The following ALDH5A1 variants were observed in gnomAD, a reference collection of about 807,000 sequenced individuals.
ALDH5A1 encodes the protein aldehyde dehydrogenase 5 family member A1.
A neutral mutation model predicts 54.7 loss-of-function variants in ALDH5A1; 33 were observed. That is an observed-to-expected ratio of 0.60 (90% CI 0.46 to 0.81). The LOEUF is 0.81. ALDH5A1 is among the 30% of genes least tolerant of loss of function. The pLI, the probability that ALDH5A1 is intolerant of heterozygous loss-of-function variation, is 0.00. For missense variants in ALDH5A1, 657 were observed against 711.0 expected (o/e 0.92, Z 0.86); for synonymous variants, 294 against 292.7 (o/e 1.00, Z -0.05).
intron 9 of ALDH5A1, among the ~76,000 whole-genome samples, chr6:24,532,632 C>T (rs1759958181): frequency 6.6e-6 from 1 of 151,956 alleles, no homozygotes; most frequent in Non-Finnish European, 1.5e-5. Context: ...GGCTGACATT[C>T]CTTTAGTTTG....
At chr6:24,529,903 C>G (rs1415901356) in intron 8 of ALDH5A1, among the ~76,000 whole-genome samples, 2 of 151,958 alleles carry the variant, frequency 1.3e-5, no homozygotes, top group Non-Finnish European at 2.9e-5. Context: ...AACTCCTGAC[C>G]TCAAGTGATC....
At chr6:24,496,921 C>T (rs1764720339) in intron 1 of ALDH5A1, among the ~76,000 whole-genome samples, 1 of 152,158 alleles carries the variant, frequency 6.6e-6, no homozygotes. Context: ...GCCAGGAGCA[C>T]CATTCAGCCC....
At chr6:24,512,927 T>TG (rs1206632219) in intron 4 of ALDH5A1, among the ~76,000 whole-genome samples, 1 of 152,156 alleles carries the variant, frequency 6.6e-6, no homozygotes, top group Non-Finnish European at 1.5e-5. Flanking sequence ...TCACCTCAAG[T>TG]GATCCACCCA....
chr6:24,500,140 T>G (rs2760129), intron 1 of ALDH5A1, among the ~76,000 whole-genome samples: 50,050 of 152,156 alleles, frequency 0.33, 8,594 homozygotes, highest in African/African-American at 0.39. Flanking sequence ...ATGTATCCCT[T>G]TATCTGTTTT....
In ALDH5A1 at chr6:24,511,471, GT is replaced by G. The variant is rs537655993; in HGVS notation, c.727-3694del. ...GGAACACGTATTATTCTTAGGTTTG[GT>G]TGTTTAACATAATCCCAGACTTCTT... On this transcript the variant is annotated intron_variant, in intron 4 of 9. Coordinates refer to ENST00000357578, the MANE Select transcript of ALDH5A1 (RefSeq NM_001080.3). Among the ~76,000 whole-genome samples, 149 of 152,200 alleles carry G rather than the reference GT, an allele frequency of 9.8e-4. 1 individual carries two copies. The highest frequency in any genetic ancestry group is 3.4e-3 in the African/African-American group (140 of 41,540).
At position 24,515,255 on chromosome 6, in the gene ALDH5A1, G is replaced by T. The variant is rs756034595; in HGVS notation, c.815G>T (p.Cys272Phe). The change falls in exon 5 of 10, where the codon TGT becomes TTT. Residue 272 changes from cysteine to phenylalanine, a missense_variant. By Grantham distance (205) the Cys-to-Phe change is radical (BLOSUM62 -2). Around this residue, in one of 2 missense-constraint regions of ALDH5A1, gnomAD observed 425 missense variants for 516.4 expected, o/e 0.82. Coordinates refer to ENST00000357578, the MANE Select transcript of ALDH5A1 (RefSeq NM_001080.3). ...GCCAAGGAAGTAGGGGAGGCAATTT[G>T]TACTGATCCTCTGGTGTCCAAAATT... ...KNAKEVGEAICTDPLVSKISF... is the reference protein window; with the variant it reads ...KNAKEVGEAIFTDPLVSKISF... 1.9e-6 allele frequency: 3 copies of T among 1,613,782 alleles called. No individual in the cohort carries two copies. In the African/African-American group the frequency reaches 4.0e-5, roughly 22 times the overall value.
At position 24,535,068 on chromosome 6, in the gene ALDH5A1, G is replaced by A. The variant is rs924315840; in HGVS notation, c.*1356G>A. 6.6e-6 allele frequency: 1 copy of A among 152,192 alleles called. No homozygotes were observed. Among genetic ancestry groups the A allele is most frequent in the Non-Finnish European group, 1.5e-5 (1 of 68,042 alleles). The allele number at this position is 152,192 out of a possible 1,614,324, so 9.4% of individuals were successfully genotyped here. A position where few individuals can be genotyped will look rare whatever the true frequency, so the allele number is the denominator to read the frequency against. On this transcript the variant is annotated 3_prime_UTR_variant, in exon 10 of 10. Transcript: ENST00000357578. ...TAAACAGATGCAAATCCAATTAGGCGGCCAAGTAGGTGGAGACGAAGCACC... is the reference window on the plus strand; with the variant it reads ...TAAACAGATGCAAATCCAATTAGGCAGCCAAGTAGGTGGAGACGAAGCACC...
intron 8 of ALDH5A1, among the ~76,000 whole-genome samples, chr6:24,530,613 C>T (rs780729773): frequency 4.1e-4 from 62 of 152,214 alleles, no homozygotes; most frequent in Non-Finnish European, 8.1e-4. Context: ...GAGGATGGCT[C>T]TAGTGTTAAA....
chr6:24,497,800 T>C (rs574360409), intron 1 of ALDH5A1, among the ~76,000 whole-genome samples: 1 of 152,176 alleles, frequency 6.6e-6, no homozygotes, highest in South Asian at 2.1e-4. Context: ...GGACTTGGTT[T>C]TTACTTTGAG....
rs1390825941 is a variant in ALDH5A1 at position 24,506,273 on chromosome 6, T to TTTTTTTTTTTTG, written c.726+1288_726+1289insTTTTTTTTTTTG. ...TTTTTTTTTTTTTTTTTTTTTTTTT[T>TTTTTTTTTTTTG]GAGACAGTCTCGCTCTGTCACCCAG... On this transcript the variant is annotated intron_variant, in intron 4 of 9. Coordinates refer to ENST00000357578, the MANE Select transcript of ALDH5A1 (RefSeq NM_001080.3). 1.9e-5 allele frequency among the ~76,000 whole-genome samples: 2 copies of TTTTTTTTTTTTG among 105,024 alleles called. 1 individual carries two copies. The highest frequency in any genetic ancestry group is 6.4e-4 in the South Asian group (2 of 3,106). 68.9% of individuals were successfully genotyped at this position (105,024 alleles called of 152,430 possible).
chr6:24,502,046 T>G (rs572583308), intron 1 of ALDH5A1, among the ~76,000 whole-genome samples: 1 of 151,960 alleles, frequency 6.6e-6, no homozygotes, highest in Non-Finnish European at 1.5e-5. Context: ...TGCTAAGAAG[T>G]CCCACCCTCT....
intron 2 of ALDH5A1, 60 bp downstream of exon 2, chr6:24,502,666 C>G: frequency 7.4e-7 from 1 of 1,343,822 alleles, no homozygotes; most frequent in Non-Finnish European, 1.1e-6. Flanking sequence ...TTACACTAAA[C>G]TTGGGAAAGC....
intron 6 of ALDH5A1, chr6:24,522,552 CATAGCAGCTGTGGA>C: frequency 4.3e-6 from 2 of 468,344 alleles, no homozygotes; most frequent in Non-Finnish European, 8.0e-6. Context: ...AGCTGTGTAG[CATAGCAGCTGTGGA>C]GGGAACTGGA....
intron 1 of ALDH5A1, among the ~76,000 whole-genome samples, chr6:24,500,914 G>C (rs1447657756): frequency 2.6e-5 from 4 of 152,020 alleles, no homozygotes; most frequent in Non-Finnish European, 4.4e-5. Context: ...TTAATTAGCT[G>C]AGCATGATCA....
intron 8 of ALDH5A1, among the ~76,000 whole-genome samples, chr6:24,530,665 C>T (rs1252479946): frequency 2.0e-5 from 3 of 152,236 alleles, no homozygotes; most frequent in East Asian, 1.9e-4. Flanking sequence ...GTATCCTTTC[C>T]GCTGGGGTAT....
intron 4 of ALDH5A1, among the ~76,000 whole-genome samples, chr6:24,505,347 T>G (rs1356123022): frequency 6.6e-6 from 1 of 152,252 alleles, no homozygotes; most frequent in Admixed American, 6.5e-5. Context: ...ATTCTTTTGT[T>G]TGAAAACCTC....
At chr6:24,520,721 C>T (rs1759667257) in intron 6 of ALDH5A1, among the ~76,000 whole-genome samples, 177 bp downstream of exon 6, 1 of 152,072 alleles carries the variant, frequency 6.6e-6, no homozygotes, top group Admixed American at 6.6e-5. Context: ...TGGGTTCCTT[C>T]CATTATTCAT....
intron 6 of ALDH5A1, among the ~76,000 whole-genome samples, chr6:24,522,415 G>A (rs1300502116): frequency 6.6e-6 from 1 of 151,512 alleles, no homozygotes; most frequent in Admixed American, 6.6e-5. Flanking sequence ...CCACCCCCCA[G>A]GGAAACAAAA....
At chr6:24,523,172 T>G (rs542382550) in intron 7 of ALDH5A1, among the ~76,000 whole-genome samples, 4 of 152,092 alleles carry the variant, frequency 2.6e-5, no homozygotes, top group Non-Finnish European at 5.9e-5. Flanking sequence ...GTTCCCAGTA[T>G]AAAGAAATGA....
Sources: allele counts gnomAD v4.1 joint callset (sites outside exome capture counted in the v4.1 genomes callset), GRCh38; gene constraint gnomAD v4.1.1; regional missense constraint gnomAD v4.1.1; transcripts MANE v1.5; gene names NCBI Gene and HGNC (gene_info 2026-07-23, HGNC 2026-07-21).